CCDC3: variants seen among roughly 807,000 people sequenced by gnomAD.
CCDC3 encodes coiled-coil domain-containing protein 3.
In CCDC3, 24 loss-of-function variants were observed where a neutral mutation model predicts 21.4. The ratio of observed to expected loss-of-function variants is 1.12; its 90% CI spans 0.81 to 1.58. The LOEUF (loss-of-function observed/expected upper bound fraction) is 1.58, where lower values mean the gene tolerates loss of function less well. Ranked by LOEUF, CCDC3 falls within the 40% of genes most tolerant of loss-of-function variation. The probability of loss-of-function intolerance (pLI) is 0.00; values close to 1 mark genes in which losing one functional copy is unlikely to be tolerated. For synonymous variants in CCDC3, 186 were observed against 166.0 expected (o/e 1.12, Z -0.93); for missense variants, 425 against 360.9 (o/e 1.18, Z -1.44).
intron 2 of CCDC3, among the ~76,000 whole-genome samples, chr10:12,904,710 C>T (rs778436085): frequency 1.4e-4 from 21 of 152,128 alleles, no homozygotes; most frequent in Admixed American, 1.2e-3. Context: ...CTGGTTTCTC[C>T]GGGAAGCTCA....
intron 2 of CCDC3, among the ~76,000 whole-genome samples, chr10:12,977,446 G>A (rs1243540318): frequency 6.6e-6 from 1 of 152,182 alleles, no homozygotes; most frequent in Non-Finnish European, 1.5e-5. Context: ...CTCAAAGGAA[G>A]AGAACAAACC....
At chr10:13,021,810 C>G (rs1836150459) in intron 5 of CCDC3, among the ~76,000 whole-genome samples, 1 of 152,128 alleles carries the variant, frequency 6.6e-6, no homozygotes, top group African/African-American at 2.4e-5. Context: ...ATTGCCCAGG[C>G]TGGAGTGCAG....
chr10:12,982,878 C>G (rs562485658), intron 2 of CCDC3, among the ~76,000 whole-genome samples: 8 of 148,678 alleles, frequency 5.4e-5, no homozygotes, highest in African/African-American at 2.0e-4. Flanking sequence ...TTTGGGTGGC[C>G]GAGGTGGGCA....
chr10:12,965,768 T>C (rs544948010), intron 2 of CCDC3, among the ~76,000 whole-genome samples: 18 of 152,356 alleles, frequency 1.2e-4, no homozygotes, highest in Non-Finnish European at 2.4e-4. Context: ...TTTCTGTCTA[T>C]AAGGAGACAT....
At chr10:13,010,913 G>A (rs7903254) in intron 5 of CCDC3, among the ~76,000 whole-genome samples, 16,325 of 152,164 alleles carry the variant, frequency 0.11, 1,439 homozygotes, top group African/African-American at 0.24. Flanking sequence ...CGGGCACAGC[G>A]GCTCACGCCT....
intron 3 of CCDC3, among the ~76,000 whole-genome samples, chr10:13,080,795 G>C (rs911637343): frequency 1.3e-5 from 2 of 152,240 alleles, no homozygotes; most frequent in African/African-American, 4.8e-5. Flanking sequence ...GTGTCAGGGA[G>C]GGGGCCAGGC....
intron 2 of CCDC3, among the ~76,000 whole-genome samples, chr10:12,920,301 C>T (rs575035317): frequency 6.6e-6 from 1 of 152,188 alleles, no homozygotes; most frequent in African/African-American, 2.4e-5. Flanking sequence ...ATGGGGGAAA[C>T]AGTCCCTATG....
chr10:12,909,650 G>A (rs1834234504), intron 2 of CCDC3, among the ~76,000 whole-genome samples: 1 of 152,160 alleles, frequency 6.6e-6, no homozygotes, highest in Admixed American at 6.5e-5. Context: ...CCGGTGTCAG[G>A]GCAAAGCAAT....
intron 5 of CCDC3, among the ~76,000 whole-genome samples, chr10:13,027,297 C>T (rs1025985146): frequency 3.3e-5 from 5 of 152,096 alleles, no homozygotes; most frequent in Non-Finnish European, 5.9e-5. Flanking sequence ...CCCTCCACAT[C>T]CAACTCTTTC....
intron 2 of CCDC3, among the ~76,000 whole-genome samples, chr10:12,975,249 C>G (rs966145970): frequency 6.6e-6 from 1 of 152,174 alleles, no homozygotes; most frequent in African/African-American, 2.4e-5. Flanking sequence ...CGCCTCTGCC[C>G]ATTTCACAAC....
chr10:13,048,707 C>G (rs902849718), intron 5 of CCDC3, among the ~76,000 whole-genome samples: 1 of 152,082 alleles, frequency 6.6e-6, no homozygotes, highest in Non-Finnish European at 1.5e-5. Flanking sequence ...GATGAGTCAA[C>G]TTGGCAGGTC....
intron 2 of CCDC3, among the ~76,000 whole-genome samples, chr10:12,974,421 AGTT>A (rs1380898042): frequency 6.6e-6 from 1 of 152,196 alleles, no homozygotes; most frequent in Non-Finnish European, 1.5e-5. Context: ...CTGTTTTCAC[AGTT>A]GTTATCTCCA....
chr10:12,905,974 C>T (rs1834164991), intron 2 of CCDC3, among the ~76,000 whole-genome samples: 1 of 152,192 alleles, frequency 6.6e-6, no homozygotes, highest in East Asian at 1.9e-4. Context: ...TGATGGGAAG[C>T]CCATGGGCCT....
chr10:12,996,280 C>T (rs1835760469), intron 2 of CCDC3, among the ~76,000 whole-genome samples: 1 of 152,142 alleles, frequency 6.6e-6, no homozygotes, highest in Admixed American at 6.5e-5. Flanking sequence ...TTCTAACCAT[C>T]AGGGAGGGGT....
At position 13,047,626 on chromosome 10, in the gene CCDC3, G is replaced by A. The variant is rs117153220; in HGVS notation, c.-2+2048C>T. On this transcript the variant is annotated intron_variant, in intron 5 of 6. Coordinates refer to the CCDC3 transcript ENST00000378839. ...CACAGAATGCCTGGGTACATATAAA[G>A]AGACTTCAGTAATCTGCTCCGGAGC... Among the ~76,000 whole-genome samples the A allele has an allele frequency of 4.1e-3, 622 of 152,224 alleles. 4 individuals carry two copies. Among genetic ancestry groups the A allele is most frequent in the Non-Finnish European group, 6.4e-3 (437 of 68,016 alleles).
chr10:13,027,747 T>C (rs1836243594), intron 5 of CCDC3, among the ~76,000 whole-genome samples: 1 of 151,294 alleles, frequency 6.6e-6, no homozygotes, highest in African/African-American at 2.4e-5. Context: ...AAAAAACTAC[T>C]CAGTACTTTC....
At chr10:12,996,925 C>T (rs759297750) in intron 2 of CCDC3, among the ~76,000 whole-genome samples, 1 of 151,996 alleles carries the variant, frequency 6.6e-6, no homozygotes, top group Non-Finnish European at 1.5e-5. Flanking sequence ...CGGGGGCCTA[C>T]GTGAGGGTGG....
intron 2 of CCDC3, among the ~76,000 whole-genome samples, chr10:12,915,175 A>G (rs1047782770): frequency 1.3e-5 from 2 of 152,192 alleles, no homozygotes; most frequent in Non-Finnish European, 2.9e-5. Flanking sequence ...TTTTTCTGAA[A>G]CCAGAATTGA....
At chr10:13,034,514 A>C (rs1836351099) in intron 5 of CCDC3, among the ~76,000 whole-genome samples, 1 of 134,876 alleles carries the variant, frequency 7.4e-6, no homozygotes, top group African/African-American at 2.6e-5. Flanking sequence ...TTCCCCCAAA[A>C]GCCTAGATCT....
Sources: gnomAD v4.1 joint callset for allele counts (sites outside exome capture counted in the v4.1 genomes callset) on GRCh38, gnomAD v4.1.1 for gene constraint, MANE v1.5 for transcripts, NCBI Gene and HGNC (gene_info 2026-07-23, HGNC 2026-07-21) for gene names.